The following ATG5 variants were observed in gnomAD, a reference collection of about 807,000 sequenced individuals.
ATG5 encodes the protein autophagy related 5.
In ATG5, 14 loss-of-function variants were observed where a neutral mutation model predicts 36.5. The observed-to-expected ratio is 0.38, with a 90% CI of 0.25 to 0.60. The LOEUF (loss-of-function observed/expected upper bound fraction) is 0.60. Among genes scored for constraint, ATG5 ranks in the 20% least tolerant of loss-of-function variants. The pLI is 0.60. For synonymous variants in ATG5, 95 were observed against 101.5 expected, an observed-to-expected ratio of 0.94 and a Z score of 0.38; for missense variants, 195 against 326.7, an observed-to-expected ratio of 0.60 and a Z score of 3.11.
In ATG5 at chr6:106,185,693, A is replaced by C. The variant is rs553366651; in HGVS notation, c.*847T>G. The C allele has an allele frequency of 1.3e-5, 2 of 152,472 alleles. No individual in the cohort carries two copies. Among genetic ancestry groups the C allele is most frequent in the African/African-American group, 4.8e-5 (2 of 41,586 alleles). The allele number at this position is 152,472 out of a possible 1,614,324, so 9.4% of individuals were successfully genotyped here. On this transcript the variant is annotated 3_prime_UTR_variant, in exon 8 of 8. Transcript: ENST00000369076. ...ATGATTTGACAGGCTTACAGTGATAAAACAACAAAGATGAACAGTTACAAT... is the reference window on the plus strand; with the variant it reads ...ATGATTTGACAGGCTTACAGTGATACAACAACAAAGATGAACAGTTACAAT...
At chr6:106,316,309 T>C in intron 1 of ATG5, 43 bp from the exon 2 acceptor site, 3 of 668,516 alleles carry the variant, frequency 4.5e-6, no homozygotes, top group East Asian at 3.0e-5. Context: ...CTTGCAACGA[T>C]GAATGAACCT....
chr6:106,210,603 C>T (rs1776817361), intron 6 of ATG5, among the ~76,000 whole-genome samples: 4 of 152,128 alleles, frequency 2.6e-5, no homozygotes, highest in African/African-American at 7.2e-5. Flanking sequence ...TATTTAAAGC[C>T]AGTCAGAAGA....
chr6:106,229,338 G>A (rs569613399), intron 6 of ATG5, among the ~76,000 whole-genome samples: 106 of 152,076 alleles, frequency 7.0e-4, no homozygotes, highest in Non-Finnish European at 1.2e-3. Context: ...CCTTGCCAGG[G>A]CCCCAAGTTT....
Position 106,310,687 on chromosome 6 carries a change from T to G in ATG5, c.109-2196A>C, listed in dbSNP as rs553432880. 5.3e-5 allele frequency among the ~76,000 whole-genome samples: 8 copies of G among 152,244 alleles called. No individual in the cohort carries two copies. In the East Asian group the frequency reaches 5.8e-4, roughly 11 times the overall value. ...CATGCTAAATGGAAACTGTACGTAT[T>G]AAACAGTAGCTCCCCATTCCCTGCT... On this transcript the variant is annotated intron_variant, in intron 2 of 7. Transcript: ENST00000369076.
intron 1 of ATG5, among the ~76,000 whole-genome samples, chr6:106,321,646 C>T (rs1187861041): frequency 6.6e-6 from 1 of 152,194 alleles, no homozygotes; most frequent in Non-Finnish European, 1.5e-5. Flanking sequence ...GCGTGAGCCA[C>T]CGCGCCTGGC....
intron 1 of ATG5, among the ~76,000 whole-genome samples, chr6:106,325,041 T>C (rs879395545): frequency 6.6e-6 from 1 of 152,198 alleles, no homozygotes; most frequent in Non-Finnish European, 1.5e-5. Context: ...TAATCCAAAG[T>C]ACAAATGAAG....
chr6:106,189,429 T>C (rs550781611), intron 7 of ATG5, among the ~76,000 whole-genome samples: 6 of 151,594 alleles, frequency 4.0e-5, no homozygotes, highest in African/African-American at 9.7e-5. Flanking sequence ...ACAGACCCCA[T>C]CTCTACAAAA....
intron 6 of ATG5, among the ~76,000 whole-genome samples, chr6:106,208,979 A>G (rs955464640): frequency 6.6e-6 from 1 of 152,222 alleles, no homozygotes; most frequent in East Asian, 1.9e-4. Flanking sequence ...CCACAATGTG[A>G]TATCATTACA....
intron 7 of ATG5, among the ~76,000 whole-genome samples, chr6:106,187,520 T>G (rs1775821184): frequency 6.6e-6 from 1 of 152,122 alleles, no homozygotes; most frequent in South Asian, 2.1e-4. Context: ...AATAGAACCA[T>G]CAAGAAACTT....
chr6:106,242,629 CA>C lies in ATG5; in HGVS notation c.573+5520del, dbSNP rs76436532. ...GGAAAAATACTATAAATAACAACAACAAAAAAAACACCTCAAGCAACTTACA... is the reference window on the plus strand; with the variant it reads ...GGAAAAATACTATAAATAACAACAACAAAAAAACACCTCAAGCAACTTACA... On this transcript the variant is annotated intron_variant, in intron 6 of 7. Coordinates refer to ENST00000369076, the MANE Select transcript of ATG5 (RefSeq NM_004849.4). Among the ~76,000 whole-genome samples the C allele has an allele frequency of 8.7e-3, 1,311 of 151,278 alleles. 21 individuals are homozygous for C. The highest frequency in any genetic ancestry group is 0.031 in the African/African-American group (1,260 of 41,262).
Position 106,186,544 on chromosome 6 carries a change from T to A in ATG5, c.824A>T (p.Asp275Val). The A allele has an allele frequency of 6.2e-7, 1 of 1,613,492 alleles. No individual in the cohort carries two copies. The highest frequency in any genetic ancestry group is 8.5e-7 in the Non-Finnish European group (1 of 1,179,536). Residue 275 changes from aspartate to valine, a missense_variant, in exon 8 of 8, where the codon GAT (aspartate) becomes GTT (valine). Transcript: ENST00000369076. ...TTCAGGCAAATAGTTGATCCTTCAA[T>A]CTGTTGGCTGTGGGATGATACTAAT... ...LHISIIPQPT[D>V] is the part of the protein sequence containing the mutation.
chr6:106,207,685 A>G (rs190621253), intron 6 of ATG5, among the ~76,000 whole-genome samples: 48 of 152,364 alleles, frequency 3.2e-4, no homozygotes, highest in Non-Finnish European at 3.4e-4. Flanking sequence ...AAATCAGACA[A>G]TGTATGGACT....
chr6:106,239,177 T>A (rs1475836411), intron 6 of ATG5, among the ~76,000 whole-genome samples: 4 of 151,762 alleles, frequency 2.6e-5, no homozygotes, highest in Non-Finnish European at 5.9e-5. Context: ...AAAAAAAGTT[T>A]GTAAAAACAC....
intron 6 of ATG5, among the ~76,000 whole-genome samples, chr6:106,203,006 G>T (rs528830387): frequency 1.3e-5 from 2 of 152,320 alleles, no homozygotes; most frequent in South Asian, 4.1e-4. Flanking sequence ...GACAGAGAGA[G>T]AGAGAAAGAG....
intron 6 of ATG5, among the ~76,000 whole-genome samples, chr6:106,214,524 G>A (rs577113177): frequency 1.3e-5 from 2 of 152,266 alleles, no homozygotes; most frequent in African/African-American, 4.8e-5. Flanking sequence ...CTCCAAAGGA[G>A]AAGTTTCTTA....
At chr6:106,231,390 G>A (rs964423503) in intron 6 of ATG5, among the ~76,000 whole-genome samples, 2 of 152,132 alleles carry the variant, frequency 1.3e-5, no homozygotes, top group African/African-American at 2.4e-5. Context: ...ATGATAGGTC[G>A]ACAACAGAGG....
In ATG5 at chr6:106,185,576, A is replaced by T. The variant is rs1218048469; in HGVS notation, c.*964T>A. Reference sequence around the variant, plus strand: ...CTGGCTGCCAGGGACCACAGTGAAAAATTAGACCTGGAGCCAATGAAAAAC... The same window carrying T: ...CTGGCTGCCAGGGACCACAGTGAAATATTAGACCTGGAGCCAATGAAAAAC... On this transcript the variant is annotated 3_prime_UTR_variant, in exon 8 of 8. Transcript: ENST00000369076. 3.3e-5 allele frequency: 5 copies of T among 152,320 alleles called. No individual in the cohort carries two copies. Among genetic ancestry groups the T allele is most frequent in the Non-Finnish European group, 7.4e-5 (5 of 68,016 alleles). 9.4% of individuals were successfully genotyped at this position (152,320 alleles called of 1,614,324 possible).
chr6:106,285,202 C>T (rs1373879680), intron 4 of ATG5, among the ~76,000 whole-genome samples: 1 of 152,114 alleles, frequency 6.6e-6, no homozygotes, highest in Non-Finnish European at 1.5e-5. Context: ...TGCTGTTAAG[C>T]CCATGTAGTA....
At chr6:106,309,338 A>G (rs927504564) in intron 2 of ATG5, among the ~76,000 whole-genome samples, 1 of 152,152 alleles carries the variant, frequency 6.6e-6, no homozygotes, top group African/African-American at 2.4e-5. Context: ...ATTCTGGTTG[A>G]AGGAATTTAT....
Sources: gnomAD v4.1 joint callset for allele counts (sites outside exome capture counted in the v4.1 genomes callset) on GRCh38, gnomAD v4.1.1 for gene constraint, MANE v1.5 for transcripts, NCBI Gene and HGNC (gene_info 2026-07-23, HGNC 2026-07-21) for gene names.